EFCAB3: variants seen among roughly 807,000 people sequenced by gnomAD.
The protein encoded by EFCAB3 is EF-hand calcium binding domain 3, also known as EF-hand calcium-binding domain-containing protein 3.
In EFCAB3, 36 loss-of-function variants were observed where a neutral mutation model predicts 42.2. That is an observed-to-expected ratio of 0.85 (90% confidence interval 0.65 to 1.13). The LOEUF is 1.13. EFCAB3 is among the 50% of genes most tolerant of loss of function. EFCAB3 has a pLI of 0.00. For missense variants in EFCAB3, 418 were observed against 505.1 expected (o/e 0.83, Z 1.65); for synonymous variants, 170 against 172.8 (o/e 0.98, Z 0.13).
intron 1 of EFCAB3, among the ~76,000 whole-genome samples, chr17:62,371,297 G>A (rs1344258613): frequency 6.6e-6 from 1 of 152,068 alleles, no homozygotes; most frequent in Non-Finnish European, 1.5e-5. Context: ...GCTCACACCC[G>A]TAATCCCAAC....
At position 62,406,536 on chromosome 17, in the gene EFCAB3, C is replaced by T; in HGVS notation, c.545C>T (p.Thr182Ile). 9.9e-6 allele frequency: 16 copies of T among 1,613,936 alleles called. No individual in the cohort carries two copies. Among genetic ancestry groups the T allele is most frequent in the Non-Finnish European group, 1.2e-5 (14 of 1,179,964 alleles). The change falls in exon 7 of 10, where the codon ACT becomes ATT. Residue 182 changes from threonine (T) to isoleucine (I), a missense_variant. By Grantham distance (89) the Thr-to-Ile change is moderately conservative (BLOSUM62 -1). Transcript: ENST00000305286. The part of the protein sequence containing the change: ...TGPGMLWSPY[T>I]MGYGKRTLKP... Reference sequence around the variant, plus strand: ...CCAGGAATGTTGTGGAGTCCCTACACTATGGGCTATGGAAAAAGGACACTT... The same window carrying T: ...CCAGGAATGTTGTGGAGTCCCTACATTATGGGCTATGGAAAAAGGACACTT...
intron 2 of EFCAB3, among the ~76,000 whole-genome samples, chr17:62,385,361 G>A (rs1347156652): frequency 6.6e-6 from 1 of 152,162 alleles, no homozygotes; most frequent in Non-Finnish European, 1.5e-5. Context: ...AAGGATCCTT[G>A]AGCCTGGGCG....
intron 2 of EFCAB3, among the ~76,000 whole-genome samples, chr17:62,386,876 C>T (rs1196328420): frequency 6.6e-6 from 1 of 152,110 alleles, no homozygotes; most frequent in Non-Finnish European, 1.5e-5. Flanking sequence ...GCAGCCTTGA[C>T]CTCCCAGGCA....
chr17:62,387,396 T>G lies in EFCAB3; in HGVS notation c.131T>G (p.Leu44Arg), dbSNP rs566895159. ...CAATTACAACACAAAGAAAAGAAGC[T>G]AAGTGCTTCACAAATGGCAGGTAAT... ...QCQLQHKEKK[L>R]SASQMAAFQD... The change falls in exon 3 of 10, where the codon CTA becomes CGA. Residue 44 changes from leucine (L) to arginine (R), a missense_variant. Transcript: ENST00000305286. 8 of 1,611,798 alleles carry G rather than the reference T, an allele frequency of 5.0e-6. No homozygotes were observed. The African/African-American group carries it at 1.1e-4, about 21-fold the overall frequency.
intron 1 of EFCAB3, among the ~76,000 whole-genome samples, chr17:62,380,962 G>A (rs1287124275): frequency 6.6e-6 from 1 of 152,116 alleles, no homozygotes; most frequent in Admixed American, 6.5e-5. Context: ...CAGCAACCTA[G>A]TTTTCTTGTC....
chr17:62,376,008 A>G (rs1013929438), upstream of EFCAB3, among the ~76,000 whole-genome samples: 6 of 151,892 alleles, frequency 4.0e-5, no homozygotes, highest in Admixed American at 1.3e-4. Context: ...TGTTTTCTTC[A>G]CTTCATAAGC....
At chr17:62,411,882 A>G (rs1318839864) in intron 8 of EFCAB3, among the ~76,000 whole-genome samples, 1 of 84,006 alleles carries the variant, frequency 1.2e-5, no homozygotes, top group Admixed American at 1.2e-4. Context: ...GGAAGGAAGG[A>G]AGGAAGGAAG....
upstream of EFCAB3, among the ~76,000 whole-genome samples, chr17:62,378,504 C>G (rs938979130): frequency 1.6e-4 from 25 of 151,966 alleles, no homozygotes; most frequent in African/African-American, 5.8e-4. Flanking sequence ...ATGAGTCCAG[C>G]CTGGGAAATT....
intron 2 of EFCAB3, among the ~76,000 whole-genome samples, chr17:62,374,405 G>A (rs1478047085): frequency 2.0e-5 from 3 of 152,202 alleles, no homozygotes; most frequent in African/African-American, 4.8e-5. Flanking sequence ...AGGTTGCAGC[G>A]AGCCGAGATT....
In EFCAB3 at chr17:62,410,944, A is replaced by G. The variant is rs1406874756; in HGVS notation, c.868-2788A>G. Among the ~76,000 whole-genome samples, 6 of 152,324 alleles carry G rather than the reference A, an allele frequency of 3.9e-5. No individual in the cohort carries two copies. In the East Asian group the frequency reaches 1.2e-3, roughly 29 times the overall value. ...CTGCTCAAAGCTCTGAATAGAGAAGAAAGTATTCTGTGAAGAATTTGAAAC... is the reference window on the plus strand; with the variant it reads ...CTGCTCAAAGCTCTGAATAGAGAAGGAAGTATTCTGTGAAGAATTTGAAAC... On this transcript the variant is annotated intron_variant, in intron 8 of 9. Coordinates refer to ENST00000305286, the MANE Select transcript of EFCAB3 (RefSeq NM_173503.4).
At chr17:62,397,842 G>A (rs2070364204) in intron 6 of EFCAB3, 2 of 286,700 alleles carry the variant, frequency 7.0e-6, no homozygotes, top group African/African-American at 2.3e-5. Flanking sequence ...GGCCAACATG[G>A]TGAAACCCCG....
chr17:62,393,793 AT>A, intron 5 of EFCAB3, 149 bp downstream of exon 5: 1 of 656,514 alleles, frequency 1.5e-6, no homozygotes. Flanking sequence ...CCAGAACAGT[AT>A]TTGCTAAACA....
intron 2 of EFCAB3, chr17:62,373,970 G>A: frequency 1.8e-6 from 1 of 560,586 alleles, no homozygotes; most frequent in Non-Finnish European, 2.9e-6. Flanking sequence ...GTTCATTATA[G>A]AAAATTTCTA....
upstream of EFCAB3, among the ~76,000 whole-genome samples, chr17:62,377,146 A>G (rs1038203357): frequency 1.3e-5 from 2 of 152,206 alleles, no homozygotes; most frequent in Non-Finnish European, 2.9e-5. Flanking sequence ...TCATATTAGA[A>G]TTAATCCTTT....
In EFCAB3 at chr17:62,416,101, GA is replaced by G. The variant is rs759266768; in HGVS notation, c.1090del (p.Met364TrpfsTer31). ...WQKIRGDLIGMDSRNESFYDT... is the reference protein window; with the variant it reads ...WQKIRGDLIGXDSRNESFYDT... ...AGAAGATCCGAGGGGATTTGATTGG[GA>G]TGGACTCTAGAAATGAGTCCTTTTA... On this transcript the variant is annotated frameshift_variant, in exon 10 of 10. Transcript: ENST00000305286. LOFTEE classifies it high-confidence loss of function. 2.3e-5 allele frequency: 37 copies of G among 1,613,978 alleles called. 1 individual carries two copies. The East Asian group carries it at 8.0e-4, about 35-fold the overall frequency.
chr17:62,392,117 T>C, intron 4 of EFCAB3, 152 bp downstream of exon 4: 1 of 379,250 alleles, frequency 2.6e-6, no homozygotes, highest in Non-Finnish European at 4.1e-6. Flanking sequence ...TATTTGTATA[T>C]GTTAAATATA....
chr17:62,415,208 T>TG (rs1191135986), intron 9 of EFCAB3, among the ~76,000 whole-genome samples: 1 of 152,124 alleles, frequency 6.6e-6, no homozygotes, highest in Non-Finnish European at 1.5e-5. Context: ...GTCTCCAACC[T>TG]GGTATCCTCC....
upstream of EFCAB3, among the ~76,000 whole-genome samples, chr17:62,378,915 A>G (rs2070172602): frequency 6.6e-6 from 1 of 150,482 alleles, no homozygotes; most frequent in African/African-American, 2.5e-5. Flanking sequence ...CCAGAACTTA[A>G]AGTATAACAA....
chr17:62,376,004 C>T (rs894320117), upstream of EFCAB3, among the ~76,000 whole-genome samples: 10 of 152,088 alleles, frequency 6.6e-5, no homozygotes, highest in Non-Finnish European at 5.9e-5. Flanking sequence ...CACATGTTTT[C>T]TTCACTTCAT....
Sources: allele counts gnomAD v4.1 joint callset (sites outside exome capture counted in the v4.1 genomes callset), GRCh38; gene constraint gnomAD v4.1.1; transcripts MANE v1.5; gene names NCBI Gene and HGNC (gene_info 2026-07-23, HGNC 2026-07-21).